Variants in UNC13A observed in about 807,000 individuals in gnomAD.
UNC13A encodes unc-13 homolog A.
A neutral mutation model predicts 219.7 loss-of-function variants in UNC13A; 61 were observed. The observed-to-expected ratio is 0.28, with a 90% CI of 0.23 to 0.34. UNC13A has a LOEUF of 0.34. Among genes scored for constraint, UNC13A ranks in the 10% least tolerant of loss-of-function variants. UNC13A has a pLI of 1.00. For missense variants in UNC13A, 1,476 were observed against 2,270.3 expected (o/e 0.65, Z 7.11); for synonymous variants, 920 against 884.6 (o/e 1.04, Z -0.71).
At chr19:17,660,282 G>GTT (rs11285355) in intron 8 of UNC13A, among the ~76,000 whole-genome samples, 2 of 148,192 alleles carry the variant, frequency 1.3e-5, no homozygotes, top group Non-Finnish European at 1.5e-5. Context: ...TGTTTACCCA[G>GTT]TTTTTTTTTT....
At chr19:17,633,855 A>G (rs1357680710) in intron 26 of UNC13A, among the ~76,000 whole-genome samples, 1 of 142,584 alleles carries the variant, frequency 7.0e-6, no homozygotes, top group African/African-American at 2.7e-5. Flanking sequence ...CTATCCATCC[A>G]TCCACCTACC....
At position 17,607,876 on chromosome 19, in the gene UNC13A, C is replaced by CTTT. The variant is rs58683080; in HGVS notation, c.4812-1525_4812-1523dup. ...CCATCCATCTACCCCCGTGAACAGA[C>CTTT]TTTTTTTTTTTTTTTTTTTTTGAGG... On this transcript the variant is annotated intron_variant, in intron 43 of 43. Transcript: ENST00000519716. Among the ~76,000 whole-genome samples the CTTT allele has an allele frequency of 8.6e-4, 83 of 96,276 alleles. 4 individuals are homozygous for CTTT. The highest frequency in any genetic ancestry group is 1.5e-3 in the African/African-American group (36 of 23,350). The allele number at this position is 96,276 out of a possible 152,430, so 63.2% of individuals were successfully genotyped here. A position where few individuals can be genotyped will look rare whatever the true frequency, so the allele number is the denominator to read the frequency against.
chr19:17,628,872 GCA>G (rs1354033960), intron 31 of UNC13A, among the ~76,000 whole-genome samples: 1 of 151,820 alleles, frequency 6.6e-6, no homozygotes, highest in South Asian at 2.1e-4. Context: ...ACTCAGACGT[GCA>G]CAGTTGGACT....
Position 17,649,508 on chromosome 19 carries a change from C to A in UNC13A, c.1518+1G>T. On this transcript the variant is annotated splice_donor_variant, in intron 13 of 43. Transcript: ENST00000519716. LOFTEE classifies it high-confidence loss of function. This position sits in a 1 kb window ranked among gnomAD's most constrained non-coding sequence, Gnocchi z 4.4. ...AGGGAGTAAAGGGCGAGGGTGCTTA[C>A]CAAGTCGCTCACGAGTGGGATAGGT... 1 of 1,613,932 alleles carries A rather than the reference C, an allele frequency of 6.2e-7. No individual in the cohort carries two copies. Among genetic ancestry groups the A allele is most frequent in the Non-Finnish European group, 8.5e-7 (1 of 1,179,884 alleles).
chr19:17,678,060 G>A (rs1418581720), intron 1 of UNC13A, among the ~76,000 whole-genome samples: 4 of 152,166 alleles, frequency 2.6e-5, no homozygotes, highest in African/African-American at 7.2e-5. Context: ...CTCCCATCCC[G>A]GGTTTGTATC....
In UNC13A at chr19:17,674,705, G is replaced by A. The variant is rs1410106599; in HGVS notation, c.104C>T (p.Thr35Ile). ...TLKVQNVKST[T>I]IAVRGSQPSW... ...GGGCTGGCTGCCCCGCACCGCGATG[G>A]TCGTGCTCTTGACATTCTGCACTTT... The change falls in exon 3 of 44, where the codon ACC becomes ATC. Residue 35 changes from threonine (T) to isoleucine (I), a missense_variant. Thr to Ile is a moderately conservative substitution (Grantham distance 89). Coordinates refer to ENST00000519716, the MANE Select transcript of UNC13A (RefSeq NM_001080421.3). The surrounding 1 kb of genome is among the most constrained non-coding windows in gnomAD (Gnocchi z 5.0). 1 of 1,613,952 alleles carries A rather than the reference G, an allele frequency of 6.2e-7. No individual in the cohort carries two copies. Among genetic ancestry groups the A allele is most frequent in the Non-Finnish European group, 8.5e-7 (1 of 1,179,882 alleles).
chr19:17,630,070 C>CAA (rs2076826455), intron 30 of UNC13A, 75 bp downstream of exon 30: 62 of 1,480,428 alleles, frequency 4.2e-5, no homozygotes, highest in Non-Finnish European at 5.6e-5. Flanking sequence ...CAACCTTAGC[C>CAA]CATCTCCAAC....
At position 17,624,956 on chromosome 19, in the gene UNC13A, G is replaced by A; in HGVS notation, c.4074-4C>T. The stretch of plus-strand genomic sequence containing the variant: ...GATTTTGGCAAAGAGGGTCAGGCTG[G>A]GGACGAGGGGCAGGTCTGAGAGAGG... On this transcript the variant is annotated splice_region_variant and splice_polypyrimidine_tract_variant and intron_variant, in intron 34 of 43. Coordinates refer to ENST00000519716, the MANE Select transcript of UNC13A (RefSeq NM_001080421.3). 1 of 1,612,692 alleles carries A rather than the reference G, an allele frequency of 6.2e-7. No homozygotes were observed. Among genetic ancestry groups the A allele is most frequent in the African/African-American group, 1.3e-5 (1 of 75,024 alleles).
At chr19:17,663,692 T>A in intron 7 of UNC13A, 125 bp from the exon 8 acceptor site, 1 of 943,052 alleles carries the variant, frequency 1.1e-6, no homozygotes, top group Non-Finnish European at 1.6e-6. Flanking sequence ...CCTCTTGTCC[T>A]GAGTACCTTC....
Position 17,606,212 on chromosome 19 carries a change from A to G in UNC13A, c.4954T>C (p.Trp1652Arg), listed in dbSNP as rs1474139147. The G allele has an allele frequency of 6.4e-7, 1 of 1,555,352 alleles. No individual in the cohort carries two copies. The highest frequency in any genetic ancestry group is 1.4e-5 in the African/African-American group (1 of 72,408). ...ELAQRGSAAC[W>R]LPLGRRIHMD... ...TGGATGCGGCGGCCGAGCGGCAGCC[A>G]GCAGGCGGCGCTCCCGCGCTGGGCC... The change falls in exon 44 of 44, where the codon TGG becomes CGG. Residue 1652 changes from tryptophan (W) to arginine (R), a missense_variant. By Grantham distance (101) the Trp-to-Arg change is moderately radical. Around this residue, in one of 14 missense-constraint regions of UNC13A, gnomAD observed 187 missense variants for 172.3 expected, o/e 1.09. Coordinates refer to ENST00000519716, the MANE Select transcript of UNC13A (RefSeq NM_001080421.3).
At chr19:17,663,400 A>G in intron 8 of UNC13A, 132 bp downstream of exon 8, 1 of 831,240 alleles carries the variant, frequency 1.2e-6, no homozygotes, top group Non-Finnish European at 1.8e-6. Flanking sequence ...GGTCTTGCTG[A>G]GCCCTCTGGC....
intron 20 of UNC13A, among the ~76,000 whole-genome samples, chr19:17,641,799 A>G (rs1265583746): frequency 6.7e-6 from 1 of 150,064 alleles, no homozygotes; most frequent in Non-Finnish European, 1.5e-5. Context: ...CATCCCATAC[A>G]TTGATCCGCA....
At chr19:17,664,019 A>G (rs530763646) in intron 7 of UNC13A, among the ~76,000 whole-genome samples, 6 of 150,556 alleles carry the variant, frequency 4.0e-5, no homozygotes, top group African/African-American at 1.5e-4. Flanking sequence ...GGATCTTGCT[A>G]TGTTGGTCAG....
chr19:17,616,309 C>A (rs1410006511), intron 41 of UNC13A: 3 of 636,176 alleles, frequency 4.7e-6, no homozygotes, highest in Non-Finnish European at 8.5e-6. Flanking sequence ...CCTGCAGGCC[C>A]TTGAGGCAGA....
Position 17,647,567 on chromosome 19 carries a change from C to T in UNC13A, c.1817-75G>A. 1.7e-5 allele frequency: 25 copies of T among 1,429,144 alleles called. No individual in the cohort carries two copies. In the South Asian group the frequency reaches 2.7e-4, roughly 16 times the overall value. The allele number at this position is 1,429,144 out of a possible 1,614,324, so 88.5% of individuals were successfully genotyped here. A position where few individuals can be genotyped will look rare whatever the true frequency, so the allele number is the denominator to read the frequency against. On this transcript the variant is annotated intron_variant, in intron 16 of 43. Transcript: ENST00000519716. ...CCCCTCACCAAGGCGAGAGCCCCGCCCCTACTCATCAACCGGGGGGACTCA... is the reference window on the plus strand; with the variant it reads ...CCCCTCACCAAGGCGAGAGCCCCGCTCCTACTCATCAACCGGGGGGACTCA...
Position 17,603,257 on chromosome 19 carries a change from A to C in UNC13A, c.*2797T>G, listed in dbSNP as rs1445136808. On this transcript the variant is annotated 3_prime_UTR_variant, in exon 44 of 44. Coordinates refer to ENST00000519716, the MANE Select transcript of UNC13A (RefSeq NM_001080421.3). ...ACACACGGAGGTCTTGAACAGAAAG[A>C]CTCCTAAGGAATCTTTTGGGAAATA... The C allele has an allele frequency of 1.3e-5, 2 of 151,716 alleles. No individual in the cohort carries two copies. The highest frequency in any genetic ancestry group is 2.9e-5 in the Non-Finnish European group (2 of 67,932). 9.4% of individuals were successfully genotyped at this position (151,716 alleles called of 1,614,324 possible).
At chr19:17,670,876 C>T (rs1053844894) in intron 4 of UNC13A, among the ~76,000 whole-genome samples, 8 of 149,444 alleles carry the variant, frequency 5.4e-5, no homozygotes, top group East Asian at 2.0e-4. Flanking sequence ...TGCACTCCAG[C>T]CTGGGTGACA....
chr19:17,662,023 C>T (rs1009382486), intron 8 of UNC13A, among the ~76,000 whole-genome samples: 1 of 152,078 alleles, frequency 6.6e-6, no homozygotes, highest in Non-Finnish European at 1.5e-5. Flanking sequence ...AGGTGGATCA[C>T]CTGAAGTCAG....
intron 11 of UNC13A, among the ~76,000 whole-genome samples, chr19:17,652,973 C>T (rs1221734746): frequency 1.3e-5 from 2 of 152,138 alleles, no homozygotes; most frequent in African/African-American, 4.8e-5. Flanking sequence ...GCTCTCTTGC[C>T]TCGGGCTCTT....
Sources: gnomAD v4.1 joint callset for allele counts (sites outside exome capture counted in the v4.1 genomes callset) on GRCh38, gnomAD v4.1.1 for gene constraint, gnomAD v4.1.1 regional missense constraint, Gnocchi (gnomAD v3.1) non-coding constraint, MANE v1.5 for transcripts, NCBI Gene and HGNC (gene_info 2026-07-23, HGNC 2026-07-21) for gene names.